The following COMMD1 variants were observed in gnomAD, a reference collection of about 807,000 sequenced individuals.
The protein encoded by COMMD1 is copper metabolism domain containing 1, also known as COMM domain-containing protein 1.
Under a neutral mutation model 17.2 loss-of-function variants are expected in COMMD1, and 10 were observed. That is an observed-to-expected ratio of 0.58 (90% CI 0.36 to 0.99). COMMD1 has a LOEUF of 0.99. Among genes scored for constraint, COMMD1 ranks in the 50% least tolerant of loss-of-function variants. The probability of loss-of-function intolerance (pLI) is 0.01; values close to 1 mark genes in which losing one functional copy is unlikely to be tolerated. For missense variants in COMMD1, 270 were observed against 231.8 expected (o/e 1.17, Z -1.07); for synonymous variants, 97 against 91.6 (o/e 1.06, Z -0.34).
At chr2:61,995,554 G>A (rs1434026564) in intron 1 of COMMD1, among the ~76,000 whole-genome samples, 5 of 152,194 alleles carry the variant, frequency 3.3e-5, no homozygotes, top group African/African-American at 4.8e-5. Context: ...AGCAACTGAA[G>A]CATTGTAGCT....
chr2:62,037,757 G>A (rs1440778450), intron 2 of COMMD1, among the ~76,000 whole-genome samples: 1 of 152,066 alleles, frequency 6.6e-6, no homozygotes, highest in Non-Finnish European at 1.5e-5. Context: ...TTAAATTAGT[G>A]GGATTCTACA....
At chr2:62,028,567 T>C (rs1443176485) in intron 2 of COMMD1, among the ~76,000 whole-genome samples, 1 of 152,008 alleles carries the variant, frequency 6.6e-6, no homozygotes, top group Non-Finnish European at 1.5e-5. Flanking sequence ...AGTGAGAGCC[T>C]TTCTCCAAAA....
At chr2:62,058,813 T>C (rs1253126166) in intron 2 of COMMD1, among the ~76,000 whole-genome samples, 2 of 152,018 alleles carry the variant, frequency 1.3e-5, no homozygotes, top group Admixed American at 1.3e-4. Flanking sequence ...GGAGTTTTGC[T>C]CTTTTTGTCC....
chr2:62,073,503 C>T (rs1288982456), intron 2 of COMMD1, among the ~76,000 whole-genome samples: 2 of 152,186 alleles, frequency 1.3e-5, no homozygotes, highest in Admixed American at 6.5e-5. Flanking sequence ...CTAAAACATA[C>T]CCATGACTTG....
intron 2 of COMMD1, among the ~76,000 whole-genome samples, chr2:62,020,665 A>T (rs181031946): frequency 6.2e-4 from 94 of 152,280 alleles, no homozygotes; most frequent in Non-Finnish European, 8.5e-4. Flanking sequence ...TCGTTCTTGA[A>T]ATTCCGCTGA....
chr2:62,095,289 A>G (rs944402700), intron 2 of COMMD1, among the ~76,000 whole-genome samples: 4 of 152,226 alleles, frequency 2.6e-5, no homozygotes, highest in African/African-American at 4.8e-5. Flanking sequence ...GGTCTATGCT[A>G]CTAAAAATGC....
chr2:62,065,212 G>T (rs1321892083), intron 2 of COMMD1, among the ~76,000 whole-genome samples: 1 of 152,000 alleles, frequency 6.6e-6, no homozygotes, highest in Admixed American at 6.6e-5. Flanking sequence ...TCCTGGGTAA[G>T]TAGGCGATGA....
At chr2:62,087,676 G>A (rs1343362319) in intron 2 of COMMD1, among the ~76,000 whole-genome samples, 1 of 152,218 alleles carries the variant, frequency 6.6e-6, no homozygotes, top group Non-Finnish European at 1.5e-5. Context: ...GAACCAGGGA[G>A]ACGGAAATTG....
intron 1 of COMMD1, among the ~76,000 whole-genome samples, chr2:61,920,181 TCCTGTTTAGA>T (rs1670152203): frequency 6.6e-6 from 1 of 152,178 alleles, no homozygotes; most frequent in African/African-American, 2.4e-5. Context: ...AGGAATATTC[TCCTGTTTAGA>T]CCTATGAATT....
At chr2:62,037,780 G>T (rs1279656258) in intron 2 of COMMD1, among the ~76,000 whole-genome samples, 1 of 152,124 alleles carries the variant, frequency 6.6e-6, no homozygotes, top group Non-Finnish European at 1.5e-5. Flanking sequence ...AAATTAGTTT[G>T]AAAGAAGATT....
At chr2:61,888,613 C>T (rs939347641), upstream of COMMD1, 1 of 1,354,950 alleles carries the variant, frequency 7.4e-7, no homozygotes, top group Non-Finnish European at 9.8e-7. Context: ...CACGAACCTT[C>T]CAGAAAGCGG....
intron 1 of COMMD1, among the ~76,000 whole-genome samples, chr2:61,900,305 A>G (rs1034515100): frequency 6.6e-6 from 1 of 152,248 alleles, no homozygotes; most frequent in African/African-American, 2.4e-5. Flanking sequence ...TACAAGTTAC[A>G]GGTGGATTCA....
chr2:62,084,564 G>T (rs942194310), intron 2 of COMMD1, among the ~76,000 whole-genome samples: 2 of 152,164 alleles, frequency 1.3e-5, no homozygotes, highest in Non-Finnish European at 2.9e-5. Flanking sequence ...GACCCATGCA[G>T]TTCACACTCA....
At chr2:62,074,187 C>G (rs1157027667) in intron 2 of COMMD1, among the ~76,000 whole-genome samples, 1 of 152,168 alleles carries the variant, frequency 6.6e-6, no homozygotes, top group East Asian at 1.9e-4. Flanking sequence ...CCAGGAAGCT[C>G]CATTGAGACT....
At chr2:62,135,755 A>G (rs1465874021) in intron 2 of COMMD1, 76 bp from the exon 3 acceptor site, 6 of 788,376 alleles carry the variant, frequency 7.6e-6, no homozygotes, top group Admixed American at 3.4e-5. Flanking sequence ...GACCCTGGGT[A>G]TTTTGAGTTT....
chr2:61,985,272 G>A (rs1184890866), intron 1 of COMMD1, among the ~76,000 whole-genome samples: 1 of 152,012 alleles, frequency 6.6e-6, no homozygotes, highest in African/African-American at 2.4e-5. Context: ...GGATGGTCTC[G>A]ATCTCCTGAC....
chr2:61,952,622 A>C (rs573958271), intron 1 of COMMD1, among the ~76,000 whole-genome samples: 1 of 152,060 alleles, frequency 6.6e-6, no homozygotes, highest in Non-Finnish European at 1.5e-5. Context: ...CTGCCCATCA[A>C]ATTTTCCAGG....
At chr2:62,068,215 G>C (rs1671106666) in intron 2 of COMMD1, among the ~76,000 whole-genome samples, 1 of 152,196 alleles carries the variant, frequency 6.6e-6, no homozygotes, top group Non-Finnish European at 1.5e-5. Flanking sequence ...AAGAAATAGA[G>C]TTGGGACAAT....
At chr2:62,074,680 G>T (rs1671290605) in intron 2 of COMMD1, among the ~76,000 whole-genome samples, 1 of 151,940 alleles carries the variant, frequency 6.6e-6, no homozygotes, top group Non-Finnish European at 1.5e-5. Context: ...TCACAGCACA[G>T]GAAAAACAAA....
Sources: gnomAD v4.1 joint callset for allele counts (sites outside exome capture counted in the v4.1 genomes callset) on GRCh38, gnomAD v4.1.1 for gene constraint, MANE v1.5 for transcripts, NCBI Gene and HGNC (gene_info 2026-07-23, HGNC 2026-07-21) for gene names.